HDAC9: variants seen among roughly 807,000 people sequenced by gnomAD.
The protein encoded by HDAC9 is histone deacetylase 9.
Under a neutral mutation model 139.4 loss-of-function variants are expected in HDAC9, and 41 were observed. That is an observed-to-expected ratio of 0.29 (90% CI 0.23 to 0.38). HDAC9 has a LOEUF of 0.38. HDAC9 is among the 10% of genes least tolerant of loss of function. The pLI, the probability that HDAC9 is intolerant of heterozygous loss-of-function variation, is 1.00. For missense variants in HDAC9, 1,147 were observed against 1,297.0 expected (o/e 0.88, Z 1.78); for synonymous variants, 517 against 476.2 (o/e 1.09, Z -1.12).
At chr7:18,522,216 C>T (rs1805274372) in intron 2 of HDAC9, among the ~76,000 whole-genome samples, 1 of 152,112 alleles carries the variant, frequency 6.6e-6, no homozygotes, top group Non-Finnish European at 1.5e-5. Flanking sequence ...GTTGGCTCCA[C>T]TAAGTACAAA....
chr7:18,610,633 T>C (rs968480347), intron 6 of HDAC9, among the ~76,000 whole-genome samples: 5 of 152,218 alleles, frequency 3.3e-5, no homozygotes, highest in Non-Finnish European at 7.3e-5. Flanking sequence ...GCAGCTTTGA[T>C]GTATAAACTT....
At chr7:18,522,943 G>GGAAGC (rs1805565865) in intron 2 of HDAC9, among the ~76,000 whole-genome samples, 1 of 152,224 alleles carries the variant, frequency 6.6e-6, no homozygotes. Flanking sequence ...ATGATGTAGT[G>GGAAGC]TCTTGCTTCC....
At chr7:18,767,604 G>A (rs1457917953) in intron 16 of HDAC9, among the ~76,000 whole-genome samples, 1 of 152,146 alleles carries the variant, frequency 6.6e-6, no homozygotes, top group Non-Finnish European at 1.5e-5. Context: ...TTTGCATTAT[G>A]GGACATTTTG....
At chr7:18,976,832 C>T (rs1784578524) in intron 25 of HDAC9, among the ~76,000 whole-genome samples, 1 of 152,204 alleles carries the variant, frequency 6.6e-6, no homozygotes, top group Non-Finnish European at 1.5e-5. Flanking sequence ...GCTCTGCCAG[C>T]TTGCACTCTT....
chr7:18,676,060 G>C (rs1266186014), intron 12 of HDAC9, among the ~76,000 whole-genome samples: 1 of 151,972 alleles, frequency 6.6e-6, no homozygotes, highest in Non-Finnish European at 1.5e-5. Flanking sequence ...AGCTATGTCT[G>C]TGCCCAGGTC....
At chr7:18,687,910 G>T (rs1311303307) in intron 12 of HDAC9, among the ~76,000 whole-genome samples, 1 of 151,712 alleles carries the variant, frequency 6.6e-6, no homozygotes, top group Non-Finnish European at 1.5e-5. Context: ...ACAGTATCTG[G>T]TATAAACTCT....
At chr7:18,896,656 C>T (rs1310425988) in intron 22 of HDAC9, among the ~76,000 whole-genome samples, 2 of 152,056 alleles carry the variant, frequency 1.3e-5, no homozygotes, top group Non-Finnish European at 2.9e-5. Flanking sequence ...AATAAAACTC[C>T]ATGCCAGACT....
At chr7:18,540,376 A>G (rs1467019184) in intron 2 of HDAC9, among the ~76,000 whole-genome samples, 1 of 152,008 alleles carries the variant, frequency 6.6e-6, no homozygotes, top group Non-Finnish European at 1.5e-5. Context: ...AATTGAAGAA[A>G]CCTTATTAAA....
chr7:18,420,645 T>A (rs1789533478), intron 1 of HDAC9, among the ~76,000 whole-genome samples: 2 of 152,214 alleles, frequency 1.3e-5, no homozygotes, highest in Admixed American at 6.5e-5. Flanking sequence ...ACCCAATTTC[T>A]GGCAGACATT....
intron 1 of HDAC9, among the ~76,000 whole-genome samples, chr7:18,398,152 A>G (rs2128730571): frequency 6.6e-6 from 1 of 152,336 alleles, no homozygotes; most frequent in East Asian, 1.9e-4. Flanking sequence ...TGTAGCTTCT[A>G]CTTATGAGTA....
intron 24 of HDAC9, among the ~76,000 whole-genome samples, chr7:18,968,127 A>G (rs1784001839): frequency 6.6e-6 from 1 of 152,098 alleles, no homozygotes; most frequent in South Asian, 2.1e-4. Context: ...GCGCCATTGC[A>G]CTCCAGCCTG....
intron 23 of HDAC9, among the ~76,000 whole-genome samples, chr7:18,937,975 G>C (rs964154234): frequency 1.3e-5 from 2 of 152,142 alleles, no homozygotes; most frequent in African/African-American, 4.8e-5. Flanking sequence ...TTATGTTTCA[G>C]AACAGATTCA....
At chr7:18,653,995 T>A (rs1272214265) in intron 11 of HDAC9, among the ~76,000 whole-genome samples, 1 of 152,102 alleles carries the variant, frequency 6.6e-6, no homozygotes, top group Non-Finnish European at 1.5e-5. Flanking sequence ...CCTGTGTGTG[T>A]GTTAATGTGT....
chr7:18,387,882 C>T (rs985062646), intron 1 of HDAC9, among the ~76,000 whole-genome samples: 3 of 151,250 alleles, frequency 2.0e-5, no homozygotes, highest in Admixed American at 6.6e-5. Context: ...ATGTGAAAAA[C>T]ATCTTAACAT....
At chr7:18,244,703 C>T (rs913695374) in intron 2 of HDAC9, among the ~76,000 whole-genome samples, 1 of 151,994 alleles carries the variant, frequency 6.6e-6, no homozygotes, top group Non-Finnish European at 1.5e-5. Context: ...GAGCCTGAGG[C>T]GGGAGAATGG....
At chr7:18,850,207 CGA>C (rs765265272) in intron 21 of HDAC9, among the ~76,000 whole-genome samples, 2 of 151,450 alleles carry the variant, frequency 1.3e-5, no homozygotes, top group African/African-American at 2.4e-5. Flanking sequence ...TTCACAAAAA[CGA>C]GAGAGAGAAA....
At chr7:18,141,489 G>A (rs1346057889) in intron 1 of HDAC9, among the ~76,000 whole-genome samples, 3 of 152,100 alleles carry the variant, frequency 2.0e-5, no homozygotes, top group Non-Finnish European at 2.9e-5. Context: ...TATTCAGAGA[G>A]CAATATTAAA....
At chr7:18,756,699 C>A (rs906330014) in intron 14 of HDAC9, among the ~76,000 whole-genome samples, 2 of 152,074 alleles carry the variant, frequency 1.3e-5, no homozygotes, top group African/African-American at 4.8e-5. Context: ...AAACAAAGGC[C>A]CATAGAGATA....
intron 2 of HDAC9, among the ~76,000 whole-genome samples, chr7:18,242,235 A>G (rs1395377350): frequency 6.6e-6 from 1 of 152,188 alleles, no homozygotes; most frequent in African/African-American, 2.4e-5. Context: ...CTCCTTGTAT[A>G]TGTAAGGCAT....
Sources: gnomAD v4.1 joint callset for allele counts (sites outside exome capture counted in the v4.1 genomes callset) on GRCh38, gnomAD v4.1.1 for gene constraint, MANE v1.5 for transcripts, NCBI Gene and HGNC (gene_info 2026-07-23, HGNC 2026-07-21) for gene names.